The following ST3GAL3 variants were observed in gnomAD, a reference collection of about 807,000 sequenced individuals.
ST3GAL3 encodes ST3 beta-galactoside alpha-2,3-sialyltransferase 3.
A neutral mutation model predicts 50.1 loss-of-function variants in ST3GAL3; 21 were observed. The observed-to-expected ratio is 0.42, with a 90% CI of 0.30 to 0.60. The LOEUF (loss-of-function observed/expected upper bound fraction) is 0.60, where lower values mean the gene tolerates loss of function less well. Among genes scored for constraint, ST3GAL3 ranks in the 20% least tolerant of loss-of-function variants. ST3GAL3 has a pLI of 0.19. For missense variants in ST3GAL3, 353 were observed against 489.4 expected, an observed-to-expected ratio of 0.72 and a Z score of 2.63; for synonymous variants, 183 against 190.0, an observed-to-expected ratio of 0.96 and a Z score of 0.30.
chr1:43,792,224 A>G (rs564799874), intron 3 of ST3GAL3, 75 bp downstream of exon 3: 122 of 1,589,064 alleles, frequency 7.7e-5, no homozygotes, highest in Non-Finnish European at 1.0e-4. Flanking sequence ...CTAATCAAGT[A>G]TGGGTTTGCT....
intron 9 of ST3GAL3, among the ~76,000 whole-genome samples, chr1:43,901,663 A>G (rs1286684572): frequency 6.6e-6 from 1 of 152,224 alleles, no homozygotes; most frequent in Non-Finnish European, 1.5e-5. Context: ...TGGCCTTGGC[A>G]GCAGGCAGAT....
intron 1 of ST3GAL3, among the ~76,000 whole-genome samples, chr1:43,720,729 T>C (rs147542486): frequency 6.6e-6 from 1 of 152,188 alleles, no homozygotes; most frequent in Admixed American, 6.5e-5. Flanking sequence ...CAACACATGC[T>C]TTTTTGGGGG....
chr1:43,714,928 T>C (rs1163962888), intron 1 of ST3GAL3, among the ~76,000 whole-genome samples: 2 of 152,246 alleles, frequency 1.3e-5, no homozygotes, highest in East Asian at 3.8e-4. Context: ...TAGAACTTAA[T>C]TTATGTTACT....
chr1:43,863,154 A>T (rs935887806), intron 5 of ST3GAL3, among the ~76,000 whole-genome samples: 1 of 152,152 alleles, frequency 6.6e-6, no homozygotes, highest in Non-Finnish European at 1.5e-5. Context: ...GGGGGAAGTA[A>T]ATTGAAGTTG....
Position 43,930,537 on chromosome 1 carries a change from G to T in ST3GAL3, c.*316G>T. Reference sequence around the variant, plus strand: ...ATCACTTCTCCAATCAGTGTTTGGTGTATTATCATTTTGTGAATTTGGGTA... The same window carrying T: ...ATCACTTCTCCAATCAGTGTTTGGTTTATTATCATTTTGTGAATTTGGGTA... On this transcript the variant is annotated 3_prime_UTR_variant, in exon 12 of 12. Transcript: ENST00000347631. 1 of 477,502 alleles carries T rather than the reference G, an allele frequency of 2.1e-6. No homozygotes were observed. Among genetic ancestry groups the T allele is most frequent in the Non-Finnish European group, 3.8e-6 (1 of 259,990 alleles). 29.6% of individuals were successfully genotyped at this position (477,502 alleles called of 1,614,324 possible).
intron 4 of ST3GAL3, among the ~76,000 whole-genome samples, chr1:43,829,995 C>CTT (rs71579312): frequency 0.078 from 5,448 of 70,070 alleles, 1,276 homozygotes; most frequent in Non-Finnish European, 0.1. Context: ...ATAAAAATTC[C>CTT]TTTTTTTTTT....
At chr1:43,839,473 G>C (rs1023895370) in intron 5 of ST3GAL3, 1 of 152,106 alleles carries the variant, frequency 6.6e-6, no homozygotes, top group Non-Finnish European at 1.5e-5. Flanking sequence ...GGTTTCGTTT[G>C]CTTTTTCTAA....
chr1:43,848,390 C>G (rs2066663133), intron 5 of ST3GAL3, among the ~76,000 whole-genome samples: 3 of 147,852 alleles, frequency 2.0e-5, no homozygotes, highest in African/African-American at 7.5e-5. Context: ...ACTGCAACCT[C>G]CGCCTCCTGG....
At position 43,846,635 on chromosome 1, in the gene ST3GAL3, A is replaced by G. The variant is rs147784775; in HGVS notation, c.302+8324A>G. ...CACCTCAGCCTCTCAAGTAGCTGGG[A>G]CCACAAACACATGTCACCGTACCCA... On this transcript the variant is annotated intron_variant, in intron 5 of 11. Coordinates refer to ENST00000347631, the MANE Select transcript of ST3GAL3 (RefSeq NM_006279.5). Among the ~76,000 whole-genome samples, 371 of 152,262 alleles carry G rather than the reference A, an allele frequency of 2.4e-3. 8 individuals are homozygous for G. Among genetic ancestry groups the G allele is most frequent in the Admixed American group, 0.019 (296 of 15,292 alleles).
At chr1:43,906,169 C>T (rs2154279874) in intron 9 of ST3GAL3, among the ~76,000 whole-genome samples, 1 of 130,596 alleles carries the variant, frequency 7.7e-6, no homozygotes, top group Non-Finnish European at 1.6e-5. Flanking sequence ...TCCTGTTCCC[C>T]TTCCTGCCAC....
In ST3GAL3 at chr1:43,894,444, G is replaced by T; in HGVS notation, c.364G>T (p.Glu122Ter). 6.2e-7 allele frequency: 1 copy of T among 1,614,138 alleles called. No homozygotes were observed. Among genetic ancestry groups the T allele is most frequent in the Non-Finnish European group, 8.5e-7 (1 of 1,180,022 alleles). Residue 122 changes from glutamate (E) to a stop codon, truncating the protein, a stop_gained, in exon 6 of 12, where the codon GAG (glutamate) becomes TAG (stop). Coordinates refer to ENST00000347631, the MANE Select transcript of ST3GAL3 (RefSeq NM_006279.5). LOFTEE classifies it high-confidence loss of function. ...CTTTCGCAAGTGGGCTAGAATCCGG[G>T]AGTTCGTGCCGCCTTTTGGGATCAA... ...DSFRKWARIR[E>*]FVPPFGIKGQ...
intron 6 of ST3GAL3, among the ~76,000 whole-genome samples, chr1:43,895,449 G>C (rs1007243475): frequency 6.6e-6 from 1 of 152,322 alleles, no homozygotes; most frequent in East Asian, 1.9e-4. Flanking sequence ...CAGGCACAGA[G>C]GGATCAGATC....
At chr1:43,852,006 ATTCTCTTTTCCTATGC>A (rs2067417639) in intron 5 of ST3GAL3, among the ~76,000 whole-genome samples, 2 of 152,118 alleles carry the variant, frequency 1.3e-5, no homozygotes, top group Non-Finnish European at 2.9e-5. Flanking sequence ...TGAAGCATAC[ATTCTCTTTTCCTATGC>A]TTCACTCTTC....
At chr1:43,757,024 AC>A (rs1688383491) in intron 2 of ST3GAL3, among the ~76,000 whole-genome samples, 1 of 151,680 alleles carries the variant, frequency 6.6e-6, no homozygotes, top group South Asian at 2.1e-4. Context: ...CTGGCTCAGC[AC>A]CCCCAAGTAC....
intron 3 of ST3GAL3, among the ~76,000 whole-genome samples, chr1:43,798,183 TCTC>T (rs2058903725): frequency 6.6e-6 from 1 of 152,178 alleles, no homozygotes; most frequent in Admixed American, 6.5e-5. Context: ...AATGTGTTCT[TCTC>T]TAGCCGCTTC....
At chr1:43,759,119 A>G (rs1689310526) in intron 2 of ST3GAL3, among the ~76,000 whole-genome samples, 1 of 150,778 alleles carries the variant, frequency 6.6e-6, no homozygotes, top group African/African-American at 2.5e-5. Context: ...AAGGGGATAT[A>G]TAGTGATGAA....
intron 9 of ST3GAL3, among the ~76,000 whole-genome samples, chr1:43,909,845 A>G (rs1283587196): frequency 1.3e-5 from 2 of 152,262 alleles, no homozygotes; most frequent in Non-Finnish European, 2.9e-5. Flanking sequence ...AACAGATCAC[A>G]CAGAAAGAAA....
At chr1:43,822,918 C>A (rs910449425) in intron 4 of ST3GAL3, among the ~76,000 whole-genome samples, 6 of 152,178 alleles carry the variant, frequency 3.9e-5, no homozygotes, top group African/African-American at 1.4e-4. Flanking sequence ...CCCCTGCCTC[C>A]CAGAATCTTT....
intron 9 of ST3GAL3, among the ~76,000 whole-genome samples, chr1:43,908,544 A>G (rs1419642638): frequency 6.6e-6 from 1 of 152,020 alleles, no homozygotes; most frequent in African/African-American, 2.4e-5. Context: ...CTCAAGAACC[A>G]ATGGCCTGCA....
Sources: gnomAD v4.1 joint callset for allele counts (sites outside exome capture counted in the v4.1 genomes callset) on GRCh38, gnomAD v4.1.1 for gene constraint, MANE v1.5 for transcripts, NCBI Gene and HGNC (gene_info 2026-07-23, HGNC 2026-07-21) for gene names.